The following FTCDNL1 variants were observed in gnomAD, a reference collection of about 807,000 sequenced individuals.
The protein encoded by FTCDNL1 is formiminotransferase N-terminal subdomain-containing protein.
In FTCDNL1, 11 loss-of-function variants were observed where a neutral mutation model predicts 5.9. The ratio of observed to expected loss-of-function variants is 1.87; its 90% CI spans 1.18 to 3.10. FTCDNL1 has a LOEUF of 3.10. FTCDNL1 is among the 30% of genes most tolerant of loss of function. The probability of loss-of-function intolerance (pLI) is 0.00; values close to 1 mark genes in which losing one functional copy is unlikely to be tolerated. For synonymous variants in FTCDNL1, 58 were observed against 24.8 expected (o/e 2.34, Z -3.99); for missense variants, 115 against 65.5 (o/e 1.76, Z -2.61).
chr2:199,791,790 G>C (rs921710366), intron 3 of FTCDNL1, among the ~76,000 whole-genome samples: 4 of 152,054 alleles, frequency 2.6e-5, no homozygotes, highest in Admixed American at 2.0e-4. Context: ...TGATGGTGCA[G>C]TACAAAGTGA....
chr2:199,711,850 G>A, the FTCDNL1 span, among the ~76,000 whole-genome samples: 1 of 152,098 alleles, frequency 6.6e-6, no homozygotes, highest in African/African-American at 2.4e-5. Context: ...ATGATGAGAA[G>A]GTCACATTGA....
chr2:199,818,791 A>T (rs1311816849), intron 4 of FTCDNL1: 1 of 152,140 alleles, frequency 6.6e-6, no homozygotes, highest in Non-Finnish European at 1.5e-5. Context: ...TATTTTGGTA[A>T]CTGCTTAAGT....
the FTCDNL1 span, among the ~76,000 whole-genome samples, chr2:199,721,362 C>T: frequency 6.6e-6 from 1 of 152,190 alleles, no homozygotes; most frequent in African/African-American, 2.4e-5. Flanking sequence ...TGGTTGAGAA[C>T]ATGCAGTGTT....
At chr2:199,719,926 T>C in the FTCDNL1 span, among the ~76,000 whole-genome samples, 120 of 152,322 alleles carry the variant, frequency 7.9e-4, 2 homozygotes, top group Non-Finnish European at 3.2e-4. Context: ...TCGTGTCATC[T>C]ATGATTTCTT....
intron 4 of FTCDNL1, chr2:199,818,585 C>A (rs1701493228): frequency 6.6e-6 from 1 of 152,098 alleles, no homozygotes; most frequent in Non-Finnish European, 1.5e-5. Flanking sequence ...CAGCATGGCC[C>A]CAAAACCTGT....
At chr2:199,747,894 C>T in the FTCDNL1 span, among the ~76,000 whole-genome samples, 37 of 152,248 alleles carry the variant, frequency 2.4e-4, no homozygotes, top group South Asian at 7.7e-3. Flanking sequence ...TCCCAAGACC[C>T]TTCTTGGCCT....
intron 3 of FTCDNL1, among the ~76,000 whole-genome samples, chr2:199,794,140 T>C (rs1166244938): frequency 6.6e-6 from 1 of 152,218 alleles, no homozygotes; most frequent in Non-Finnish European, 1.5e-5. Flanking sequence ...TAGTAATGGA[T>C]ATTAATCTTA....
intron 3 of FTCDNL1, among the ~76,000 whole-genome samples, chr2:199,761,327 G>A (rs1238849898): frequency 7.9e-5 from 12 of 152,196 alleles, no homozygotes; most frequent in Non-Finnish European, 1.3e-4. Flanking sequence ...ACCTGAGCAT[G>A]CTGCCTGTTC....
chr2:199,689,436 GGGTC>G, the FTCDNL1 span, among the ~76,000 whole-genome samples: 1 of 152,068 alleles, frequency 6.6e-6, no homozygotes, highest in Non-Finnish European at 1.5e-5. Context: ...GTATATCCAT[GGGTC>G]TTATCACCCA....
intron 3 of FTCDNL1, among the ~76,000 whole-genome samples, chr2:199,830,787 T>G (rs917944045): frequency 1.3e-5 from 2 of 152,200 alleles, no homozygotes; most frequent in African/African-American, 4.8e-5. Context: ...AGAAATTTAT[T>G]GTGCTAGAAC....
At chr2:199,776,148 G>A (rs568566820) in intron 3 of FTCDNL1, among the ~76,000 whole-genome samples, 3 of 152,088 alleles carry the variant, frequency 2.0e-5, no homozygotes, top group Admixed American at 6.6e-5. Flanking sequence ...TCCTGACCTC[G>A]TAATCCACCC....
intron 3 of FTCDNL1, among the ~76,000 whole-genome samples, chr2:199,791,781 G>A (rs1559190645): frequency 6.6e-6 from 1 of 152,136 alleles, no homozygotes; most frequent in East Asian, 1.9e-4. Flanking sequence ...AAAAATTTTT[G>A]ATGGTGCAGT....
chr2:199,676,633 C>A, the FTCDNL1 span, among the ~76,000 whole-genome samples: 1 of 151,852 alleles, frequency 6.6e-6, no homozygotes, highest in African/African-American at 2.4e-5. Context: ...AAGTAAAAAT[C>A]AAAGTTCAAA....
intron 3 of FTCDNL1, chr2:199,844,489 G>A (rs900571328): frequency 7.5e-6 from 5 of 663,486 alleles, no homozygotes; most frequent in Admixed American, 4.2e-5. Context: ...CTTCCATATC[G>A]ATAGCCTGGA....
chr2:199,711,305 T>C, the FTCDNL1 span, among the ~76,000 whole-genome samples: 3 of 137,744 alleles, frequency 2.2e-5, no homozygotes, highest in Admixed American at 2.4e-4. Flanking sequence ...CTCTGCTAAG[T>C]GTAAAGAATA....
intron 3 of FTCDNL1, among the ~76,000 whole-genome samples, chr2:199,800,379 G>T (rs1350694086): frequency 6.6e-6 from 1 of 152,118 alleles, no homozygotes; most frequent in Non-Finnish European, 1.5e-5. Flanking sequence ...TAATAGATGT[G>T]CCAAATGCTT....
At chr2:199,843,782 T>C (rs1574693689) in intron 3 of FTCDNL1, among the ~76,000 whole-genome samples, 1 of 152,174 alleles carries the variant, frequency 6.6e-6, no homozygotes, top group African/African-American at 2.4e-5. Context: ...GTGGTACAGT[T>C]AGACAGTCCA....
the FTCDNL1 span, among the ~76,000 whole-genome samples, chr2:199,744,625 A>T: frequency 2.0e-5 from 3 of 152,192 alleles, no homozygotes; most frequent in Admixed American, 2.0e-4. Context: ...TAAGCCACCC[A>T]GTCTGTGGTA....
the FTCDNL1 span, among the ~76,000 whole-genome samples, chr2:199,664,587 A>G: frequency 6.6e-6 from 1 of 152,348 alleles, no homozygotes; most frequent in East Asian, 1.9e-4. Context: ...TCCATTATTC[A>G]CACGGTTCCT....
Sources: allele counts gnomAD v4.1 joint callset (sites outside exome capture counted in the v4.1 genomes callset), GRCh38; gene constraint gnomAD v4.1.1; transcripts MANE v1.5; gene names NCBI Gene and HGNC (gene_info 2026-07-23, HGNC 2026-07-21).